Variants in TMEM164 observed in about 807,000 individuals in gnomAD.
TMEM164 encodes RP13-360B22.2.
TMEM164 carries 4 observed loss-of-function variants against 18.8 expected under a neutral mutation model. That is an observed-to-expected ratio of 0.21 (90% CI 0.10 to 0.49). The LOEUF (loss-of-function observed/expected upper bound fraction) is 0.49, where lower values mean the gene tolerates loss of function less well. TMEM164 is among the 20% of genes least tolerant of loss of function. TMEM164 has a pLI of 0.98. For synonymous variants in TMEM164, 86 were observed against 101.7 expected (o/e 0.85, Z 0.93); for missense variants, 108 against 239.9 (o/e 0.45, Z 3.63).
intron 3 of TMEM164, among the ~76,000 whole-genome samples, chrX:110,104,856 T>C (rs1029335357): frequency 2.7e-5 from 3 of 110,485 alleles, no homozygotes; most frequent in African/African-American, 9.9e-5. Flanking sequence ...GCTCAGGGAG[T>C]CAGTGCCCCT....
intron 2 of TMEM164, among the ~76,000 whole-genome samples, chrX:110,038,526 G>A (rs927444900): frequency 9.0e-6 from 1 of 110,703 alleles, no homozygotes; most frequent in Non-Finnish European, 1.9e-5. Flanking sequence ...GACCCTGGAG[G>A]GGCTTTGGGA....
intron 4 of TMEM164, among the ~76,000 whole-genome samples, chrX:110,138,309 G>C (rs1410754922): frequency 8.9e-6 from 1 of 112,397 alleles, no homozygotes; most frequent in Non-Finnish European, 1.9e-5. Context: ...TCCCATTTAT[G>C]AATAAGTCAA....
intron 2 of TMEM164, among the ~76,000 whole-genome samples, chrX:110,056,700 AC>A (rs1212458232): frequency 5.4e-5 from 6 of 111,387 alleles, no homozygotes; most frequent in African/African-American, 1.6e-4. Context: ...CCTCATGCAC[AC>A]TTGTGTTTGC....
chrX:110,119,484 T>C (rs1261313053), intron 4 of TMEM164, among the ~76,000 whole-genome samples: 1 of 111,646 alleles, frequency 9.0e-6, no homozygotes, highest in African/African-American at 3.3e-5. Flanking sequence ...AAACAAATCA[T>C]TGAGCAGTAA....
At chrX:110,115,728 T>A (rs1393826707) in intron 4 of TMEM164, among the ~76,000 whole-genome samples, 1 of 111,398 alleles carries the variant, frequency 9.0e-6, no homozygotes, top group Non-Finnish European at 1.9e-5. Flanking sequence ...GAACTTGCAG[T>A]TTAGTTAGAA....
intron 3 of TMEM164, among the ~76,000 whole-genome samples, chrX:110,084,153 G>GT (rs1385684274): frequency 9.3e-6 from 1 of 107,416 alleles, no homozygotes; most frequent in African/African-American, 3.4e-5. Flanking sequence ...TAAGTTAGAT[G>GT]TTTTTTATAA....
rs888212990 is a variant in TMEM164 at position 110,177,051 on chromosome X, G to A, written c.*3600G>A. ...GACAGGGAGGCAGCCCTCCTTTTGT[G>A]TATATAGAGTGAGCTGATTTGGGCT... On this transcript the variant is annotated 3_prime_UTR_variant, in exon 7 of 7. Transcript: ENST00000372068. 1 of 111,405 alleles carries A rather than the reference G, an allele frequency of 9.0e-6. No homozygotes were observed. The highest frequency in any genetic ancestry group is 1.9e-5 in the Non-Finnish European group (1 of 52,950). The allele number at this position is 111,405 out of a possible 1,213,427, so 9.2% of individuals were successfully genotyped here.
At chrX:110,125,931 G>GA in intron 4 of TMEM164, among the ~76,000 whole-genome samples, 2 of 112,412 alleles carry the variant, frequency 1.8e-5, no homozygotes, top group Admixed American at 9.4e-5. Context: ...CCTGCTAAAT[G>GA]AAAATCTGTA....
intron 2 of TMEM164, among the ~76,000 whole-genome samples, chrX:110,026,636 A>G (rs1170825636): frequency 8.9e-6 from 1 of 111,776 alleles, no homozygotes; most frequent in Non-Finnish European, 1.9e-5. Context: ...CCTTATGCGC[A>G]TGAACTCATT....
chrX:110,105,705 CACACACACACACACAG>C (rs1213167328), intron 3 of TMEM164, among the ~76,000 whole-genome samples: 3 of 98,367 alleles, frequency 3.0e-5, no homozygotes, highest in African/African-American at 4.0e-5. Context: ...CACACACACA[CACACACACACACACAG>C]ACACACACAC....
At chrX:110,142,937 C>T (rs1423000337) in intron 4 of TMEM164, among the ~76,000 whole-genome samples, 1 of 112,639 alleles carries the variant, frequency 8.9e-6, no homozygotes, top group African/African-American at 3.2e-5. Context: ...GGGTGGTCAG[C>T]AGTTGGAGTC....
chrX:110,175,613 A>G lies in TMEM164; in HGVS notation c.*2162A>G, dbSNP rs2067281069. 2.3e-6 allele frequency: 1 copy of G among 430,147 alleles called. No individual in the cohort carries two copies. Among genetic ancestry groups the G allele is most frequent in the Non-Finnish European group, 2.9e-6 (1 of 344,006 alleles). 35.4% of individuals were successfully genotyped at this position (430,147 alleles called of 1,213,427 possible). A position where few individuals can be genotyped will look rare whatever the true frequency, so the allele number is the denominator to read the frequency against. On this transcript the variant is annotated 3_prime_UTR_variant, in exon 7 of 7. Coordinates refer to ENST00000372068, the MANE Select transcript of TMEM164 (RefSeq NM_032227.4). Reference sequence around the variant, plus strand: ...GTGCTTGGAAGGAGAGAAGAAAGCAAAAGCCACATGCCTGGCATGGCCAAG... The same window carrying G: ...GTGCTTGGAAGGAGAGAAGAAAGCAGAAGCCACATGCCTGGCATGGCCAAG...
At chrX:110,147,312 A>G (rs1248841887) in intron 5 of TMEM164, among the ~76,000 whole-genome samples, 4 of 112,179 alleles carry the variant, frequency 3.6e-5, no homozygotes, top group Non-Finnish European at 7.5e-5. Context: ...TTAGATACTG[A>G]CAAATTATGC....
At chrX:110,156,582 G>C (rs972811320) in intron 5 of TMEM164, among the ~76,000 whole-genome samples, 3 of 111,176 alleles carry the variant, frequency 2.7e-5, no homozygotes, top group African/African-American at 9.8e-5. Flanking sequence ...TTTAGAGAGT[G>C]TCTTAGTCTT....
At chrX:110,144,968 G>A in intron 5 of TMEM164, 92 bp downstream of exon 5, 1 of 647,092 alleles carries the variant, frequency 1.5e-6, no homozygotes. Context: ...TGCTTCCCAG[G>A]ATCTTCAGCT....
At chrX:110,048,237 CTCT>C (rs780872553) in intron 2 of TMEM164, among the ~76,000 whole-genome samples, 32 of 111,856 alleles carry the variant, frequency 2.9e-4, no homozygotes, top group Non-Finnish European at 5.6e-4. Flanking sequence ...TTTAGCTATG[CTCT>C]TCCCTCTGCC....
At chrX:110,030,085 T>C (rs997653162) in intron 2 of TMEM164, among the ~76,000 whole-genome samples, 1 of 106,859 alleles carries the variant, frequency 9.4e-6, no homozygotes, top group African/African-American at 3.4e-5. Context: ...TCTCTCCCTT[T>C]TTCTCTCTCT....
intron 3 of TMEM164, among the ~76,000 whole-genome samples, chrX:110,101,614 C>G (rs1395931846): frequency 3.0e-5 from 3 of 101,416 alleles, no homozygotes; most frequent in African/African-American, 1.1e-4. Context: ...GTGTCTCACT[C>G]TGTCGCCCAA....
intron 5 of TMEM164, among the ~76,000 whole-genome samples, chrX:110,147,093 G>A (rs1033304806): frequency 9.0e-6 from 1 of 111,244 alleles, no homozygotes; most frequent in Non-Finnish European, 1.9e-5. Flanking sequence ...GGTAGGTGGC[G>A]CCTTGTGGGA....
Sources: allele counts gnomAD v4.1 joint callset (sites outside exome capture counted in the v4.1 genomes callset), GRCh38; gene constraint gnomAD v4.1.1; transcripts MANE v1.5; gene names NCBI Gene and HGNC (gene_info 2026-07-23, HGNC 2026-07-21).